The following CDH13 variants were observed in gnomAD, a reference collection of about 807,000 sequenced individuals.
CDH13 encodes the protein cadherin 13, also known as cadherin-13.
CDH13 carries 24 observed loss-of-function variants against 63.8 expected under a neutral mutation model. That is an observed-to-expected ratio of 0.38 (90% CI 0.27 to 0.53). The LOEUF is 0.53. Ranked by LOEUF, CDH13 falls within the 20% of genes least tolerant of loss-of-function variation. CDH13 has a pLI of 0.85. For missense variants in CDH13, 1,049 were observed against 903.1 expected (o/e 1.16, Z -2.07); for synonymous variants, 503 against 355.3 (o/e 1.42, Z -4.67).
chr16:83,770,272 A>T (rs1914673542), intron 11 of CDH13, among the ~76,000 whole-genome samples: 1 of 152,200 alleles, frequency 6.6e-6, no homozygotes, highest in South Asian at 2.1e-4. Flanking sequence ...AGTACCAACC[A>T]CAAGCACCAA....
At chr16:83,781,706 C>T (rs956924665) in intron 12 of CDH13, among the ~76,000 whole-genome samples, 1 of 151,454 alleles carries the variant, frequency 6.6e-6, no homozygotes, top group African/African-American at 2.4e-5. Flanking sequence ...ATGGCTATAG[C>T]CTATTTGAAT....
chr16:83,536,118 G>A (rs778541317), intron 7 of CDH13, among the ~76,000 whole-genome samples: 49 of 152,142 alleles, frequency 3.2e-4, no homozygotes, highest in Non-Finnish European at 6.8e-4. Context: ...GGCATTATGA[G>A]GCATTGAGAA....
At chr16:83,711,821 G>A (rs1464288237) in intron 10 of CDH13, among the ~76,000 whole-genome samples, 1 of 152,200 alleles carries the variant, frequency 6.6e-6, no homozygotes, top group Non-Finnish European at 1.5e-5. Flanking sequence ...CAGCTGGCCA[G>A]CATGTTTTTA....
chr16:82,946,739 A>ACATAC (rs1904765195), intron 2 of CDH13, among the ~76,000 whole-genome samples: 1 of 149,340 alleles, frequency 6.7e-6, no homozygotes, highest in Non-Finnish European at 1.5e-5. Context: ...GAAAGAAAAA[A>ACATAC]CATACTCATT....
chr16:83,486,861 G>T (rs761292673), intron 7 of CDH13, among the ~76,000 whole-genome samples: 10 of 152,200 alleles, frequency 6.6e-5, no homozygotes, highest in Admixed American at 2.0e-4. Flanking sequence ...AGGCTAAAGC[G>T]CCTGGAACTG....
At chr16:83,277,384 C>G (rs2089025759) in intron 5 of CDH13, among the ~76,000 whole-genome samples, 1 of 152,130 alleles carries the variant, frequency 6.6e-6, no homozygotes, top group Non-Finnish European at 1.5e-5. Flanking sequence ...ATACTCCGAA[C>G]CTACTGAATA....
chr16:83,691,071 CGTGTGTGTGTGTGTGTGTGTGTGT>C (rs58023339), intron 10 of CDH13, among the ~76,000 whole-genome samples: 2 of 140,912 alleles, frequency 1.4e-5, no homozygotes, highest in Non-Finnish European at 3.1e-5. Flanking sequence ...CCAACTGTGC[CGTGTGTGTGTGTGTGTGTGTGTGT>C]GTGTGTGTGT....
At chr16:82,743,253 G>A (rs2034013838) in intron 1 of CDH13, among the ~76,000 whole-genome samples, 1 of 152,100 alleles carries the variant, frequency 6.6e-6, no homozygotes, top group Admixed American at 6.6e-5. Context: ...TTGAGACAGG[G>A]TCTCGCTCTG....
At chr16:82,963,590 C>T (rs1180523327) in intron 2 of CDH13, among the ~76,000 whole-genome samples, 1 of 152,240 alleles carries the variant, frequency 6.6e-6, no homozygotes, top group East Asian at 1.9e-4. Context: ...CATTATATAA[C>T]TCATTCTGTA....
intron 6 of CDH13, among the ~76,000 whole-genome samples, chr16:83,354,850 T>A (rs923155044): frequency 4.3e-4 from 65 of 152,362 alleles, no homozygotes; most frequent in African/African-American, 1.5e-3. Flanking sequence ...TGTTGTTTTT[T>A]AAATAAAGTT....
At chr16:83,607,642 G>C (rs1311628072) in intron 8 of CDH13, among the ~76,000 whole-genome samples, 1 of 152,098 alleles carries the variant, frequency 6.6e-6, no homozygotes, top group Admixed American at 6.5e-5. Context: ...TAAAATTGCC[G>C]CTGATACATG....
intron 11 of CDH13, among the ~76,000 whole-genome samples, chr16:83,773,392 G>C (rs952518505): frequency 5.3e-5 from 8 of 152,186 alleles, no homozygotes; most frequent in Non-Finnish European, 1.2e-4. Context: ...TGGCTGGGGA[G>C]GCCTCAGGAA....
intron 1 of CDH13, among the ~76,000 whole-genome samples, chr16:82,839,288 G>C (rs2038908683): frequency 6.6e-6 from 1 of 152,208 alleles, no homozygotes; most frequent in Non-Finnish European, 1.5e-5. Flanking sequence ...TCTAGGCTTA[G>C]ATGTGGGAAA....
chr16:83,659,337 C>A (rs1371240947), intron 8 of CDH13, among the ~76,000 whole-genome samples: 1 of 149,498 alleles, frequency 6.7e-6, no homozygotes, highest in Admixed American at 6.7e-5. Flanking sequence ...TCCTCACCAC[C>A]AGGTCCCATG....
intron 1 of CDH13, among the ~76,000 whole-genome samples, chr16:82,696,044 C>T (rs563041178): frequency 1.2e-4 from 18 of 152,266 alleles, no homozygotes; most frequent in Non-Finnish European, 1.9e-4. Flanking sequence ...GCCTGAAATT[C>T]GGGTGACATC....
intron 1 of CDH13, among the ~76,000 whole-genome samples, chr16:82,672,994 G>GTTTCCTT (rs1913451102): frequency 3.8e-5 from 1 of 26,530 alleles, no homozygotes; most frequent in African/African-American, 1.7e-4. Flanking sequence ...TTTTTATAAA[G>GTTTCCTT]TTTTCTTTTT....
intron 5 of CDH13, among the ~76,000 whole-genome samples, chr16:83,294,754 A>C (rs2089549254): frequency 6.6e-6 from 1 of 152,130 alleles, no homozygotes; most frequent in African/African-American, 2.4e-5. Context: ...ATGGAAAGAC[A>C]TCCCATGTTC....
At chr16:82,798,041 G>T (rs915208219) in intron 1 of CDH13, among the ~76,000 whole-genome samples, 2 of 152,160 alleles carry the variant, frequency 1.3e-5, no homozygotes, top group African/African-American at 4.8e-5. Flanking sequence ...TTCTACCCCA[G>T]GTTGCTCTGG....
In CDH13 at chr16:83,795,078, G is replaced by GA. The variant is rs11311412; in HGVS notation, c.*59dup. On this transcript the variant is annotated 3_prime_UTR_variant, in exon 14 of 14. Transcript: ENST00000567109. ...GACTCCCAAGTTTCCATAGCAACAGGAAAAAAAAAAATCTATCCAAATCTG... is the reference window on the plus strand; with the variant it reads ...GACTCCCAAGTTTCCATAGCAACAGGAAAAAAAAAAAATCTATCCAAATCTG... 10,926 of 1,246,266 alleles carry GA rather than the reference G, an allele frequency of 8.8e-3. No individual in the cohort carries two copies. The highest frequency in any genetic ancestry group is 9.6e-3 in the Non-Finnish European group (8,959 of 930,264). 77.2% of individuals were successfully genotyped at this position (1,246,266 alleles called of 1,614,324 possible).
Sources: allele counts gnomAD v4.1 joint callset (sites outside exome capture counted in the v4.1 genomes callset), GRCh38; gene constraint gnomAD v4.1.1; transcripts MANE v1.5; gene names NCBI Gene and HGNC (gene_info 2026-07-23, HGNC 2026-07-21).